TMEM223: variants seen among roughly 807,000 people sequenced by gnomAD.
The protein encoded by TMEM223 is transmembrane protein 223.
Under a neutral mutation model 14.1 loss-of-function variants are expected in TMEM223, and 14 were observed. The observed-to-expected ratio is 0.99, with a 90% CI of 0.66 to 1.55. TMEM223 has a LOEUF of 1.55. TMEM223 is among the 40% of genes most tolerant of loss of function. TMEM223 has a pLI of 0.00. For synonymous variants in TMEM223, 145 were observed against 120.5 expected (o/e 1.20, Z -1.33); for missense variants, 346 against 269.9 (o/e 1.28, Z -1.97).
At chr11:62,774,891 C>CAAAAAA (rs775768945) in intron 1 of TMEM223, among the ~76,000 whole-genome samples, 1 of 84,628 alleles carries the variant, frequency 1.2e-5, no homozygotes, top group Admixed American at 1.2e-4. Context: ...AACTCCGTCT[C>CAAAAAA]AAAAAAAAAA....
chr11:62,784,336 G>A (rs1336450917), downstream of TMEM223, among the ~76,000 whole-genome samples: 2 of 127,022 alleles, frequency 1.6e-5, no homozygotes, highest in African/African-American at 3.0e-5. Context: ...ACGGAGTCTC[G>A]CTCTGACACC....
At chr11:62,773,757 T>TA (rs1251688828) in intron 2 of TMEM223, among the ~76,000 whole-genome samples, 5 of 152,156 alleles carry the variant, frequency 3.3e-5, no homozygotes, top group African/African-American at 1.2e-4. Context: ...TACAAATTCT[T>TA]ACGACTGGTT....
chr11:62,779,019 GTTTTTTTT>G (rs373542247), intron 1 of TMEM223: 1 of 806,088 alleles, frequency 1.2e-6, no homozygotes, highest in Admixed American at 3.0e-5. Context: ...TTCTAGACCT[GTTTTTTTT>G]TTTTTTTTTT....
At chr11:62,778,831 T>C in intron 1 of TMEM223, 1 of 1,583,936 alleles carries the variant, frequency 6.3e-7, no homozygotes, top group Non-Finnish European at 8.7e-7. Context: ...GAGGGCCAGC[T>C]CTCCACCTGT....
chr11:62,778,233 T>C, intron 1 of TMEM223: 1 of 1,613,748 alleles, frequency 6.2e-7, no homozygotes, highest in Non-Finnish European at 8.5e-7. Flanking sequence ...GGGTAGGCGG[T>C]ACTCTAAGGG....
chr11:62,791,804 A>G lies in TMEM223; in HGVS notation c.191T>C (p.Val64Ala), dbSNP rs769204531. The change falls in exon 1 of 2, where the codon GTG becomes GCG. Residue 64 changes from valine (V) to alanine (A), a missense_variant. By Grantham distance (64) the Val-to-Ala change is moderately conservative. Coordinates refer to ENST00000307366, the MANE Select transcript of TMEM223 (RefSeq NM_001080501.3). ...AACCGGGGGCCGGGACACGGCTGCC[A>G]CAGCCATGGAAGCCCAGAAGACGCC... is the stretch of plus-strand genomic sequence containing the variant. ...GQGVFWASMA[V>A]AAVSRPPVPV... 9.5e-6 allele frequency: 15 copies of G among 1,579,342 alleles called. No individual in the cohort carries two copies. In the Admixed American group the frequency reaches 2.8e-4, roughly 29 times the overall value.
At chr11:62,778,799 G>T in intron 1 of TMEM223, 1 of 1,294,648 alleles carries the variant, frequency 7.7e-7, no homozygotes, top group South Asian at 1.2e-5. Flanking sequence ...GGTTGAGGGG[G>T]AGGAGGCTGG....
At chr11:62,787,485 C>T (rs1365884634), downstream of TMEM223, 6 of 1,580,174 alleles carry the variant, frequency 3.8e-6, no homozygotes, top group African/African-American at 1.3e-5. Flanking sequence ...CTGCCGCCTT[C>T]CTGTGCGGGG....
At chr11:62,781,873 A>C (rs906486021) in intron 1 of TMEM223, 1 of 1,611,810 alleles carries the variant, frequency 6.2e-7, no homozygotes, top group Non-Finnish European at 8.5e-7. Flanking sequence ...GATCCAATGC[A>C]GTCTGGGCCC....
intron 1 of TMEM223, chr11:62,781,806 A>ACT: frequency 9.2e-7 from 1 of 1,084,338 alleles, no homozygotes; most frequent in Non-Finnish European, 1.4e-6. Context: ...AACATGAATA[A>ACT]GGTGATACAC....
intron 2 of TMEM223, chr11:62,774,457 G>T: frequency 2.5e-6 from 1 of 399,084 alleles, no homozygotes; most frequent in Non-Finnish European, 5.1e-6. Context: ...TCCATTGGAT[G>T]TAGGGACCTG....
In TMEM223 at chr11:62,791,651, C is replaced by A. The variant is rs2084362234; in HGVS notation, c.316+28G>T. 3.3e-6 allele frequency: 5 copies of A among 1,500,734 alleles called. No homozygotes were observed. In the South Asian group the frequency reaches 5.1e-5, roughly 15 times the overall value. The allele number at this position is 1,500,734 out of a possible 1,614,324, so 93.0% of individuals were successfully genotyped here. A position where few individuals can be genotyped will look rare whatever the true frequency, so the allele number is the denominator to read the frequency against. Reference sequence around the variant, plus strand: ...GTCGTGTCCCGCCACCCCACGTTGTCACAGTGGGAAGCCAGCCCACGTCTT... The same window carrying A: ...GTCGTGTCCCGCCACCCCACGTTGTAACAGTGGGAAGCCAGCCCACGTCTT... On this transcript the variant is annotated intron_variant, in intron 1 of 1. Transcript: ENST00000307366.
Position 62,790,503 on chromosome 11 carries a change from G to T in TMEM223, c.*120C>A. On this transcript the variant is annotated 3_prime_UTR_variant, in exon 2 of 2. Coordinates refer to ENST00000307366, the MANE Select transcript of TMEM223 (RefSeq NM_001080501.3). ...GTTGCCCAGCCTGGGCTCGAGCAGT[G>T]CTCCTGCCTCACCCTCCCAAAGTGC... 2 of 936,314 alleles carry T rather than the reference G, an allele frequency of 2.1e-6. No individual in the cohort carries two copies. The highest frequency in any genetic ancestry group is 3.2e-6 in the Non-Finnish European group (2 of 634,126). 58.0% of individuals were successfully genotyped at this position (936,314 alleles called of 1,614,324 possible).
chr11:62,771,869 C>T (rs967628712), exon 3 of TMEM223: 1 of 305,712 alleles, frequency 3.3e-6, no homozygotes, highest in African/African-American at 2.2e-5. Context: ...CTAAATGCTC[C>T]CATTTTACAG....
downstream of TMEM223, chr11:62,789,349 C>T (rs776719240): frequency 2.4e-5 from 39 of 1,613,930 alleles, no homozygotes; most frequent in African/African-American, 2.7e-5. Flanking sequence ...TCTTCCTGGT[C>T]TTGGTGTCTG....
At chr11:62,776,176 C>A (rs989288732) in intron 1 of TMEM223, among the ~76,000 whole-genome samples, 1 of 152,194 alleles carries the variant, frequency 6.6e-6, no homozygotes, top group African/African-American at 2.4e-5. Flanking sequence ...TAGATACTCA[C>A]ATTCTGCATG....
chr11:62,781,703 G>T, intron 1 of TMEM223: 1 of 553,262 alleles, frequency 1.8e-6, no homozygotes, highest in Non-Finnish European at 3.2e-6. Flanking sequence ...TTGTATTCAG[G>T]GCCATATGCA....
At chr11:62,786,929 G>GC, downstream of TMEM223, 2 of 1,478,552 alleles carry the variant, frequency 1.4e-6, no homozygotes, top group Admixed American at 2.4e-5. Flanking sequence ...GGCGACGAGA[G>GC]CCCCCGGGGC....
intron 2 of TMEM223, among the ~76,000 whole-genome samples, chr11:62,774,202 G>A (rs969916032): frequency 2.6e-5 from 4 of 151,760 alleles, no homozygotes; most frequent in South Asian, 2.1e-4. Context: ...TCAGCCTCCC[G>A]AGTAGCTGGG....
Sources: gnomAD v4.1 joint callset for allele counts (sites outside exome capture counted in the v4.1 genomes callset) on GRCh38, gnomAD v4.1.1 for gene constraint, MANE v1.5 for transcripts, NCBI Gene and HGNC (gene_info 2026-07-23, HGNC 2026-07-21) for gene names.